The following MICAL2 variants were observed in gnomAD, a reference collection of about 807,000 sequenced individuals.
MICAL2 encodes the protein microtubule associated monooxygenase, calponin and LIM domain containing 2, also known as [F-actin]-monooxygenase MICAL2.
In MICAL2, 77 loss-of-function variants were observed where a neutral mutation model predicts 127.3. The ratio of observed to expected loss-of-function variants is 0.60; its 90% CI spans 0.50 to 0.73. MICAL2 has a LOEUF of 0.73. Ranked by LOEUF, MICAL2 falls within the 30% of genes least tolerant of loss-of-function variation. The pLI, the probability that MICAL2 is intolerant of heterozygous loss-of-function variation, is 0.00. For synonymous variants in MICAL2, 570 were observed against 551.1 expected, an observed-to-expected ratio of 1.03 and a Z score of -0.48; for missense variants, 1,351 against 1,434.4, an observed-to-expected ratio of 0.94 and a Z score of 0.94.
chr11:12,185,090 T>G, intron 3 of MICAL2, among the ~76,000 whole-genome samples: 1 of 89,810 alleles, frequency 1.1e-5, no homozygotes, highest in Admixed American at 1.2e-4. Context: ...ACTGGATGGG[T>G]GGGGGGATGG....
chr11:12,246,200 G>A (rs917017081), intron 21 of MICAL2, among the ~76,000 whole-genome samples: 1 of 152,258 alleles, frequency 6.6e-6, no homozygotes, highest in African/African-American at 2.4e-5. Flanking sequence ...ATGCAGAGCT[G>A]CTGGGTAAGA....
At chr11:12,130,732 G>A (rs748405686) in intron 1 of MICAL2, among the ~76,000 whole-genome samples, 32 of 152,226 alleles carry the variant, frequency 2.1e-4, no homozygotes, top group Admixed American at 1.4e-3. Context: ...TGGAGGCTCT[G>A]AGGGTGGTGC....
chr11:12,262,654 G>A, intron 27 of MICAL2, 117 bp downstream of exon 27: 1 of 871,374 alleles, frequency 1.1e-6, no homozygotes, highest in Non-Finnish European at 1.9e-6. Flanking sequence ...CTTGCATACT[G>A]ATGGACTCAT....
In MICAL2 at chr11:12,216,332, T is replaced by C. The variant is rs191495487; in HGVS notation, c.948+13T>C. 1.5e-5 allele frequency: 24 copies of C among 1,602,598 alleles called. No homozygotes were observed. The East Asian group carries it at 4.9e-4, about 33-fold the overall frequency. On this transcript the variant is annotated intron_variant, in intron 8 of 27. Coordinates refer to ENST00000683283, the MANE Select transcript of MICAL2 (RefSeq NM_001282663.2). ...TGTCATCATTAACGTACGTACCTCT[T>C]GGCTGCGATTTCCCGACTTCGCGAC...
chr11:12,349,876 T>C (rs1254737441), exon 33 of MICAL2: 2 of 1,614,112 alleles, frequency 1.2e-6, no homozygotes, highest in South Asian at 1.1e-5. Flanking sequence ...TTTGCAGGAA[T>C]GGTTTAAGCT....
intron 21 of MICAL2, among the ~76,000 whole-genome samples, chr11:12,248,240 G>C (rs1861036283): frequency 1.3e-5 from 2 of 152,134 alleles, no homozygotes; most frequent in African/African-American, 4.8e-5. Flanking sequence ...ATGGTCACAG[G>C]GAGTCTTGAG....
intron 2 of MICAL2, among the ~76,000 whole-genome samples, chr11:12,155,261 A>AAT (rs35037925): frequency 0.02 from 3,090 of 152,188 alleles, 98 homozygotes; most frequent in African/African-American, 0.066. Context: ...GAAAATTTTA[A>AAT]ATATATATAT....
At chr11:12,136,391 A>G (rs1446363631) in intron 1 of MICAL2, among the ~76,000 whole-genome samples, 21 of 152,138 alleles carry the variant, frequency 1.4e-4, no homozygotes. Flanking sequence ...CTCTGTAATG[A>G]TACCGTACTA....
upstream of MICAL2, among the ~76,000 whole-genome samples, chr11:12,272,690 G>A (rs1192712522): frequency 6.6e-6 from 1 of 152,216 alleles, no homozygotes; most frequent in Non-Finnish European, 1.5e-5. Flanking sequence ...CTCTGCTTCA[G>A]GCTGTAGGTC....
chr11:12,286,767 C>T (rs1007745306), intron 2 of MICAL2: 28 of 192,958 alleles, frequency 1.5e-4, no homozygotes, highest in African/African-American at 6.0e-4. Context: ...CCCAGCTACT[C>T]GGGAGCCTGA....
At chr11:12,134,412 G>C (rs979951137) in intron 1 of MICAL2, among the ~76,000 whole-genome samples, 1 of 152,254 alleles carries the variant, frequency 6.6e-6, no homozygotes. Context: ...CTGAGGCTCC[G>C]TTCTCAACCA....
chr11:12,294,371 C>G, downstream of MICAL2: 1 of 1,614,222 alleles, frequency 6.2e-7, no homozygotes, highest in Non-Finnish European at 8.5e-7. Flanking sequence ...CTCATTCAGC[C>G]TTCGGAAAAC....
chr11:12,266,601 G>A (rs1034823861), downstream of MICAL2, among the ~76,000 whole-genome samples: 4 of 152,174 alleles, frequency 2.6e-5, no homozygotes, highest in Non-Finnish European at 5.9e-5. Flanking sequence ...GCAACCTTGC[G>A]GTCAGTACTG....
chr11:12,273,541 C>T (rs1863694281), upstream of MICAL2, among the ~76,000 whole-genome samples: 2 of 109,490 alleles, frequency 1.8e-5, no homozygotes, highest in South Asian at 2.7e-4. Flanking sequence ...CTGCTGCAGA[C>T]ATGTTTTTTT....
intron 1 of MICAL2, among the ~76,000 whole-genome samples, chr11:12,278,628 T>C (rs1188143257): frequency 6.6e-6 from 1 of 152,130 alleles, no homozygotes; most frequent in African/African-American, 2.4e-5. Flanking sequence ...CTTTGGGGAA[T>C]GGATGAAGCA....
At chr11:12,298,261 T>C (rs1007394560) in intron 29 of MICAL2, among the ~76,000 whole-genome samples, 3 of 152,066 alleles carry the variant, frequency 2.0e-5, no homozygotes, top group African/African-American at 7.2e-5. Context: ...TTGTTGCTAT[T>C]GTCAACAAGA....
intron 32 of MICAL2, among the ~76,000 whole-genome samples, chr11:12,347,882 G>T (rs553741157): frequency 1.3e-5 from 2 of 152,042 alleles, no homozygotes. Flanking sequence ...GGCCAGGCAC[G>T]GTGGCTCACA....
At chr11:12,260,227 G>C in intron 26 of MICAL2, 3 of 1,451,724 alleles carry the variant, frequency 2.1e-6, no homozygotes, top group Non-Finnish European at 2.7e-6. Context: ...TCAGATGGCA[G>C]TGCGTTTGCA....
At chr11:12,242,506 C>G (rs559616744) in intron 19 of MICAL2, 74 bp downstream of exon 19, 5 of 1,510,026 alleles carry the variant, frequency 3.3e-6, no homozygotes, top group South Asian at 2.4e-5. Flanking sequence ...TCCTCCTACC[C>G]GGGTGGGTTC....
Sources: allele counts gnomAD v4.1 joint callset (sites outside exome capture counted in the v4.1 genomes callset), GRCh38; gene constraint gnomAD v4.1.1; transcripts MANE v1.5; gene names NCBI Gene and HGNC (gene_info 2026-07-23, HGNC 2026-07-21).